MMP17: variants seen among roughly 807,000 people sequenced by gnomAD.
MMP17 encodes the protein matrix metalloproteinase-17.
In MMP17, 54 loss-of-function variants were observed where a neutral mutation model predicts 49.1. That is an observed-to-expected ratio of 1.10 (90% CI 0.88 to 1.38). MMP17 has a LOEUF of 1.38. Ranked by LOEUF, MMP17 falls within the 40% of genes most tolerant of loss-of-function variation. The probability of loss-of-function intolerance (pLI) is 0.00; values close to 1 mark genes in which losing one functional copy is unlikely to be tolerated. For synonymous variants in MMP17, 397 were observed against 383.1 expected, an observed-to-expected ratio of 1.04 and a Z score of -0.42; for missense variants, 837 against 853.7, an observed-to-expected ratio of 0.98 and a Z score of 0.24.
At chr12:131,830,798 C>G (rs1269058573) in intron 1 of MMP17, among the ~76,000 whole-genome samples, 6 of 152,282 alleles carry the variant, frequency 3.9e-5, no homozygotes, top group African/African-American at 1.4e-4. Flanking sequence ...TGAACAAGGC[C>G]GGGATTCAGG....
rs1391527715 is a variant in MMP17 at position 131,846,097 on chromosome 12, G to A, written c.1204+648G>A. ...GGAGACAGTAGCAGGGGCAGGTGGG[G>A]GTGGCAGGGCTGCAGGACAGAGACC... On this transcript the variant is annotated intron_variant, in intron 8 of 9. Coordinates refer to ENST00000360564, the MANE Select transcript of MMP17 (RefSeq NM_016155.7). This position sits in a 1 kb window ranked among gnomAD's most constrained non-coding sequence, Gnocchi z 4.6. Among the ~76,000 whole-genome samples, 1 of 152,204 alleles carries A rather than the reference G, an allele frequency of 6.6e-6. No homozygotes were observed. Among genetic ancestry groups the A allele is most frequent in the East Asian group, 1.9e-4 (1 of 5,186 alleles).
In MMP17 at chr12:131,848,543, C is replaced by T. The variant is rs555116925; in HGVS notation, c.1205-1259C>T. 2.0e-5 allele frequency among the ~76,000 whole-genome samples: 3 copies of T among 150,806 alleles called. No homozygotes were observed. The South Asian group carries it at 6.2e-4, about 31-fold the overall frequency. ...AGATTTCCACCTTCCCAAACGGAAA[C>T]GCTGCCCCGTGAAACACGGATGCCC... On this transcript the variant is annotated intron_variant, in intron 8 of 9. Transcript: ENST00000360564.
chr12:131,844,899 G>C (rs112987343), intron 6 of MMP17: 5 of 564,338 alleles, frequency 8.9e-6, no homozygotes, highest in South Asian at 2.0e-5. Context: ...GCTCCCTGGC[G>C]CTCTGTATGC....
chr12:131,845,867 G>A (rs373508506), intron 8 of MMP17, among the ~76,000 whole-genome samples: 4 of 152,110 alleles, frequency 2.6e-5, no homozygotes, highest in East Asian at 1.9e-4. Flanking sequence ...CAGCCCTGCC[G>A]AGTCCCAAAA....
intron 1 of MMP17, among the ~76,000 whole-genome samples, chr12:131,833,609 G>A (rs1056412249): frequency 9.8e-5 from 15 of 152,372 alleles, no homozygotes; most frequent in Non-Finnish European, 1.3e-4. Flanking sequence ...ATCACTGACC[G>A]TGTGCTGTGT....
chr12:131,849,752 C>A (rs753213176), intron 8 of MMP17, 50 bp from the exon 9 acceptor site: 24 of 1,567,948 alleles, frequency 1.5e-5, no homozygotes, highest in Non-Finnish European at 1.9e-5. Flanking sequence ...GCCTCCTGCC[C>A]TTCGGGGTGG....
chr12:131,845,783 C>T (rs990183099), intron 8 of MMP17, among the ~76,000 whole-genome samples: 4 of 152,116 alleles, frequency 2.6e-5, no homozygotes, highest in Non-Finnish European at 4.4e-5. Context: ...GAGAGGTCTC[C>T]TTAGGGAGAT....
At chr12:131,840,518 C>T (rs148583813) in intron 3 of MMP17, 55 bp from the exon 4 acceptor site, 50 of 1,520,374 alleles carry the variant, frequency 3.3e-5, no homozygotes, top group Non-Finnish European at 4.2e-5. Context: ...GAACCTCGGC[C>T]TGGGGCACGT....
At chr12:131,838,351 G>C in intron 2 of MMP17, 24 bp downstream of exon 2, 1 of 1,609,358 alleles carries the variant, frequency 6.2e-7, no homozygotes, top group Non-Finnish European at 8.5e-7. Flanking sequence ...GGGGCAGCGG[G>C]AGCGCCGTGG....
chr12:131,843,202 G>A (rs548301818), intron 5 of MMP17, among the ~76,000 whole-genome samples: 35 of 150,962 alleles, frequency 2.3e-4, no homozygotes, highest in Non-Finnish European at 4.3e-4. Context: ...TTCTGACCTC[G>A]TGATCCACCC....
intron 5 of MMP17, 65 bp downstream of exon 5, chr12:131,841,865 C>G: frequency 6.8e-7 from 1 of 1,470,422 alleles, no homozygotes; most frequent in Admixed American, 2.1e-5. Flanking sequence ...CCAGGCACCC[C>G]TGAGCAGAGC....
intron 1 of MMP17, among the ~76,000 whole-genome samples, chr12:131,832,467 G>A (rs1028985646): frequency 2.6e-5 from 4 of 152,020 alleles, no homozygotes; most frequent in African/African-American, 4.8e-5. Context: ...GGGTTCCAGG[G>A]GCACTTTGCG....
intron 3 of MMP17, 166 bp from the exon 4 acceptor site, chr12:131,840,407 A>T: frequency 1.5e-6 from 1 of 668,230 alleles, no homozygotes; most frequent in Non-Finnish European, 2.5e-6. Flanking sequence ...AACTACTGGA[A>T]CCGCCGTGAG....
intron 1 of MMP17, among the ~76,000 whole-genome samples, chr12:131,835,304 T>C (rs1046802865): frequency 6.6e-6 from 1 of 152,246 alleles, no homozygotes; most frequent in African/African-American, 2.4e-5. Flanking sequence ...TGGGCGGGGC[T>C]GCCTGTCCCG....
Position 131,850,062 on chromosome 12 carries a change from G to T in MMP17, c.1462+3G>T, listed in dbSNP as rs1566095743. 2 of 1,606,738 alleles carry T rather than the reference G, an allele frequency of 1.2e-6. No homozygotes were observed. The highest frequency in any genetic ancestry group is 3.4e-5 in the Admixed American group (2 of 59,094). ...CGACGCCATGCGCTGGTCCGACGGT[G>T]AGTGCCAGCTGGGGGGACGGGCCAT... On this transcript the variant is annotated splice_donor_region_variant and intron_variant, in intron 9 of 9. Coordinates refer to ENST00000360564, the MANE Select transcript of MMP17 (RefSeq NM_016155.7).
chr12:131,851,743 T>G lies in MMP17; in HGVS notation c.*469T>G. On this transcript the variant is annotated 3_prime_UTR_variant, in exon 10 of 10. Transcript: ENST00000360564. ...GCGGCACGTCCCCCCTGTGACGCGT[T>G]CCAGACCAACATGACCTCTCCCTGC... 6.4e-6 allele frequency: 1 copy of G among 155,950 alleles called. No individual in the cohort carries two copies. The highest frequency in any genetic ancestry group is 6.5e-5 in the Admixed American group (1 of 15,394). 9.7% of individuals were successfully genotyped at this position (155,950 alleles called of 1,614,324 possible). A position where few individuals can be genotyped will look rare whatever the true frequency, so the allele number is the denominator to read the frequency against.
rs1360253675 is a variant in MMP17, at chr12:131,839,685, C to T, written c.423-888C>T. Among the ~76,000 whole-genome samples the T allele has an allele frequency of 2.6e-5, 4 of 152,066 alleles. No individual in the cohort carries two copies. In the East Asian group the frequency reaches 5.8e-4, roughly 22 times the overall value. On this transcript the variant is annotated intron_variant, in intron 3 of 9. Transcript: ENST00000360564. ...AGACAGGGCTGGGCATGGTGGCTCACGCCTGTAATCATGGCACTTTGGGAG... is the reference window on the plus strand; with the variant it reads ...AGACAGGGCTGGGCATGGTGGCTCATGCCTGTAATCATGGCACTTTGGGAG...
intron 3 of MMP17, among the ~76,000 whole-genome samples, chr12:131,839,007 A>G (rs190698224): frequency 1.8e-3 from 268 of 152,244 alleles, no homozygotes; most frequent in Non-Finnish European, 3.1e-3. Context: ...GGCCTGCTGT[A>G]GATATCCACA....
At chr12:131,840,959 A>C in intron 4 of MMP17, 103 bp downstream of exon 4, 1 of 1,331,278 alleles carries the variant, frequency 7.5e-7, no homozygotes, top group Non-Finnish European at 1.0e-6. Context: ...GGCTGAAAAC[A>C]CACGCGGCTG....
Sources: allele counts gnomAD v4.1 joint callset (sites outside exome capture counted in the v4.1 genomes callset), GRCh38; gene constraint gnomAD v4.1.1; non-coding constraint Gnocchi (gnomAD v3.1); transcripts MANE v1.5; gene names NCBI Gene and HGNC (gene_info 2026-07-23, HGNC 2026-07-21).